HEATR4: variants seen among roughly 807,000 people sequenced by gnomAD.
HEATR4 encodes HEAT repeat-containing protein 4.
Under a neutral mutation model 108.8 loss-of-function variants are expected in HEATR4, and 95 were observed. The ratio of observed to expected loss-of-function variants is 0.87; its 90% CI spans 0.74 to 1.04. HEATR4 has a LOEUF of 1.04. HEATR4 is among the 50% of genes least tolerant of loss of function. The pLI is 0.00. For synonymous variants in HEATR4, 443 were observed against 459.4 expected, an observed-to-expected ratio of 0.96 and a Z score of 0.46; for missense variants, 1,152 against 1,253.8, an observed-to-expected ratio of 0.92 and a Z score of 1.23.
chr14:73,600,456 T>C, the HEATR4 span, among the ~76,000 whole-genome samples: 2 of 151,894 alleles, frequency 1.3e-5, no homozygotes, highest in Non-Finnish European at 2.9e-5. Context: ...AGAACAATTT[T>C]CTTTTTTTTT....
chr14:73,619,945 T>C, the HEATR4 span: 2 of 1,271,228 alleles, frequency 1.6e-6, no homozygotes, highest in Non-Finnish European at 2.1e-6. Flanking sequence ...CCTGTATCAC[T>C]CTGTCACATA....
At chr14:73,563,142 T>C (rs1315966877), upstream of HEATR4, among the ~76,000 whole-genome samples, 3 of 151,914 alleles carry the variant, frequency 2.0e-5, no homozygotes, top group East Asian at 1.9e-4. Flanking sequence ...CAATATGTGA[T>C]GTCACCCCCA....
chr14:73,500,665 T>C lies in HEATR4; in HGVS notation c.2171A>G (p.Lys724Arg). ...VEALYLIGEL[K>R]LMTAKLLPSF... Reference sequence around the variant, plus strand: ...TGGGAGAAGCTTGGCGGTCATAAGCTTGAGCTCACCTATCAGGTAGAGAGC... The same window carrying C: ...TGGGAGAAGCTTGGCGGTCATAAGCCTGAGCTCACCTATCAGGTAGAGAGC... Residue 724 changes from lysine to arginine, a missense_variant, in exon 12 of 18, where the codon AAG becomes AGG. Coordinates refer to ENST00000553558, the MANE Select transcript of HEATR4 (RefSeq NM_001220484.1). 6.2e-7 allele frequency: 1 copy of C among 1,614,176 alleles called. No homozygotes were observed. The highest frequency in any genetic ancestry group is 8.5e-7 in the Non-Finnish European group (1 of 1,180,020).
chr14:73,563,760 G>A (rs931816214), upstream of HEATR4, among the ~76,000 whole-genome samples: 1 of 151,802 alleles, frequency 6.6e-6, no homozygotes, highest in African/African-American at 2.4e-5. Context: ...ACCAGAGTTC[G>A]AGACCAGTCT....
the HEATR4 span, among the ~76,000 whole-genome samples, chr14:73,589,508 C>T: frequency 2.6e-5 from 4 of 152,042 alleles, no homozygotes; most frequent in East Asian, 1.9e-4. Context: ...TTAGTGGAGG[C>T]GGGTTTCACC....
At chr14:73,597,258 G>A in the HEATR4 span, among the ~76,000 whole-genome samples, 1 of 150,824 alleles carries the variant, frequency 6.6e-6, no homozygotes, top group Non-Finnish European at 1.5e-5. Context: ...CTAATTTTTT[G>A]TATTTTTAGT....
At chr14:73,496,531 G>T (rs1055758423) in intron 15 of HEATR4, 70 bp downstream of exon 15, 1 of 910,218 alleles carries the variant, frequency 1.1e-6, no homozygotes, top group East Asian at 2.4e-5. Flanking sequence ...CATGTTTGAG[G>T]AGGACAGGGT....
the HEATR4 span, among the ~76,000 whole-genome samples, chr14:73,633,325 T>C: frequency 6.6e-6 from 1 of 152,084 alleles, no homozygotes; most frequent in African/African-American, 2.4e-5. Context: ...ACTTTCTGAA[T>C]GAAAAAGCAA....
intron 5 of HEATR4, among the ~76,000 whole-genome samples, chr14:73,516,057 A>G (rs1887582421): frequency 3.7e-5 from 2 of 54,760 alleles, no homozygotes; most frequent in African/African-American, 1.9e-4. Flanking sequence ...AATAAAAAAT[A>G]CAACTGCCAA....
intron 1 of HEATR4, among the ~76,000 whole-genome samples, chr14:73,541,185 G>A (rs1419201507): frequency 5.3e-5 from 6 of 112,402 alleles, no homozygotes; most frequent in African/African-American, 1.8e-4. Flanking sequence ...GTGCACTGGA[G>A]AGGAATTTGT....
At chr14:73,629,955 CTTAT>C in the HEATR4 span, among the ~76,000 whole-genome samples, 5 of 151,528 alleles carry the variant, frequency 3.3e-5, no homozygotes, top group African/African-American at 9.7e-5. Flanking sequence ...CCCCAGATTA[CTTAT>C]TTCTTATCAT....
rs35601077 is a variant in HEATR4 at position 73,515,671 on chromosome 14, C to CAA, written c.1211-1439_1211-1438dup. Among the ~76,000 whole-genome samples the CAA allele has an allele frequency of 9.0e-4, 30 of 33,510 alleles. 2 individuals carry two copies. The East Asian group carries it at 0.021, about 23-fold the overall frequency. The allele number at this position is 33,510 out of a possible 152,430, so 22.0% of individuals were successfully genotyped here. ...TGGGTGACAAAGCGAGACTCCATCT[C>CAA]AAAAAAAAAAAAAAAAAAAAAAAAA... On this transcript the variant is annotated intron_variant, in intron 5 of 17. Transcript: ENST00000553558.
At chr14:73,610,024 G>A in the HEATR4 span, among the ~76,000 whole-genome samples, 2 of 151,516 alleles carry the variant, frequency 1.3e-5, no homozygotes, top group South Asian at 4.2e-4. Flanking sequence ...ACACCTCCTG[G>A]TGTACCTGGA....
At chr14:73,581,150 TGTG>T in the HEATR4 span, 6 of 151,710 alleles carry the variant, frequency 4.0e-5, no homozygotes, top group Non-Finnish European at 4.4e-5. Flanking sequence ...TTTTTTTTCT[TGTG>T]GTGAGGACAC....
chr14:73,588,331 T>C, the HEATR4 span, among the ~76,000 whole-genome samples: 721 of 152,212 alleles, frequency 4.7e-3, 6 homozygotes, highest in African/African-American at 0.017. Flanking sequence ...CGTCCTTTCC[T>C]GCCCTAGATT....
chr14:73,488,251 G>A (rs1273504755), intron 17 of HEATR4, among the ~76,000 whole-genome samples: 2 of 152,122 alleles, frequency 1.3e-5, no homozygotes. Flanking sequence ...CTCTCATGAT[G>A]GTGGTTGAGT....
intron 17 of HEATR4, among the ~76,000 whole-genome samples, chr14:73,485,479 T>A (rs983180615): frequency 6.7e-5 from 10 of 150,158 alleles, no homozygotes; most frequent in African/African-American, 2.5e-4. Context: ...CTCAGCTCAC[T>A]GCAACCTCTG....
chr14:73,542,465 C>T (rs1234003724), intron 1 of HEATR4, among the ~76,000 whole-genome samples: 1 of 95,522 alleles, frequency 1.0e-5, no homozygotes, highest in African/African-American at 3.7e-5. Flanking sequence ...AGTGCAGTGG[C>T]ATGATCTCGG....
At chr14:73,617,176 T>C in the HEATR4 span, 8 of 1,614,080 alleles carry the variant, frequency 5.0e-6, no homozygotes, top group Admixed American at 1.3e-4. Flanking sequence ...GTGGACTTTA[T>C]GCTGCAGCAT....
Sources: gnomAD v4.1 joint callset for allele counts (sites outside exome capture counted in the v4.1 genomes callset) on GRCh38, gnomAD v4.1.1 for gene constraint, MANE v1.5 for transcripts, NCBI Gene and HGNC (gene_info 2026-07-23, HGNC 2026-07-21) for gene names.